The following FAM185A variants were observed in gnomAD, a reference collection of about 807,000 sequenced individuals.
FAM185A encodes family with sequence similarity 185 member A, also known as protein FAM185A.
A neutral mutation model predicts 45.7 loss-of-function variants in FAM185A; 21 were observed. The observed-to-expected ratio is 0.46, with a 90% confidence interval of 0.33 to 0.66. The LOEUF (loss-of-function observed/expected upper bound fraction) is 0.66, where lower values mean the gene tolerates loss of function less well. Among genes scored for constraint, FAM185A ranks in the 30% least tolerant of loss-of-function variants. The pLI, the probability that FAM185A is intolerant of heterozygous loss-of-function variation, is 0.03. For missense variants in FAM185A, 305 were observed against 485.4 expected, an observed-to-expected ratio of 0.63 and a Z score of 3.49; for synonymous variants, 117 against 194.0, an observed-to-expected ratio of 0.60 and a Z score of 3.30.
At chr7:102,820,741 C>T in the FAM185A span, among the ~76,000 whole-genome samples, 5 of 152,204 alleles carry the variant, frequency 3.3e-5, no homozygotes, top group Admixed American at 6.5e-5. Flanking sequence ...CTAGCTCATC[C>T]TTTTATCAGG....
In FAM185A at chr7:102,749,561, G is replaced by T. The variant is rs1584262605; in HGVS notation, c.354G>T (p.Leu118=). 1 of 1,523,804 alleles carries T rather than the reference G, an allele frequency of 6.6e-7. No homozygotes were observed. The highest frequency in any genetic ancestry group is 2.1e-5 in the Admixed American group (1 of 48,492). 94.4% of individuals were successfully genotyped at this position (1,523,804 alleles called of 1,614,324 possible). A position where few individuals can be genotyped will look rare whatever the true frequency, so the allele number is the denominator to read the frequency against. The change falls in exon 1 of 8, where the codon CTG becomes CTT. Residue 118 remains leucine (L), a synonymous_variant. Transcript: ENST00000413034. ...VEGGVRGLDG[L]QVKYDEDLEE... is the part of the protein sequence containing the mutation. ...GCGGCGTGCGGGGCCTGGACGGCCT[G>T]CAGGTGAAGTACGACGAGGATCTGG...
chr7:102,835,227 T>G, the FAM185A span, among the ~76,000 whole-genome samples: 1 of 152,130 alleles, frequency 6.6e-6, no homozygotes, highest in Non-Finnish European at 1.5e-5. Context: ...TGCATGAAAG[T>G]CTGTCTTGTC....
intron 7 of FAM185A, among the ~76,000 whole-genome samples, chr7:102,802,582 G>A (rs907564333): frequency 1.7e-4 from 26 of 152,190 alleles, no homozygotes; most frequent in Non-Finnish European, 2.2e-4. Context: ...CCCTAAATGC[G>A]TACATCAAAA....
chr7:102,837,036 A>G, the FAM185A span, among the ~76,000 whole-genome samples: 96 of 152,252 alleles, frequency 6.3e-4, no homozygotes, highest in Non-Finnish European at 1.3e-3. Flanking sequence ...GCTGCCCCAA[A>G]GGCTAAAATG....
chr7:102,816,610 C>G, the FAM185A span, among the ~76,000 whole-genome samples: 1 of 152,128 alleles, frequency 6.6e-6, no homozygotes, highest in Non-Finnish European at 1.5e-5. Context: ...TTTGCACACA[C>G]GCACCTTTAA....
chr7:102,823,868 A>G, the FAM185A span, among the ~76,000 whole-genome samples: 18 of 152,358 alleles, frequency 1.2e-4, no homozygotes, highest in Middle Eastern at 3.4e-3. Context: ...GACCAAGGTT[A>G]AACATTATAA....
At chr7:102,828,753 T>C in the FAM185A span, among the ~76,000 whole-genome samples, 1 of 152,198 alleles carries the variant, frequency 6.6e-6, no homozygotes, top group Non-Finnish European at 1.5e-5. Flanking sequence ...ACCATATTAG[T>C]ATAAGAGAAA....
chr7:102,765,454 A>G (rs1794330095), intron 4 of FAM185A, among the ~76,000 whole-genome samples: 1 of 151,968 alleles, frequency 6.6e-6, no homozygotes, highest in African/African-American at 2.4e-5. Flanking sequence ...CAAGAGCATG[A>G]AATTTATTTT....
chr7:102,828,600 A>C, the FAM185A span, among the ~76,000 whole-genome samples: 5 of 152,324 alleles, frequency 3.3e-5, no homozygotes, highest in Admixed American at 2.0e-4. Context: ...TCAATACTTC[A>C]TGCCTTTCCA....
intron 1 of FAM185A, among the ~76,000 whole-genome samples, chr7:102,751,335 A>G (rs1793349681): frequency 6.6e-6 from 1 of 152,162 alleles, no homozygotes; most frequent in South Asian, 2.1e-4. Flanking sequence ...TAAGTATGAA[A>G]GGTTAGACAT....
chr7:102,846,740 G>A, the FAM185A span, among the ~76,000 whole-genome samples: 2 of 9,438 alleles, frequency 2.1e-4, no homozygotes, highest in Non-Finnish European at 5.0e-4. Context: ...CCCCAGTGTT[G>A]TACTAAGGAA....
At chr7:102,849,538 T>C in the FAM185A span, among the ~76,000 whole-genome samples, 1 of 152,256 alleles carries the variant, frequency 6.6e-6, no homozygotes, top group Non-Finnish European at 1.5e-5. Flanking sequence ...ATCTCTCCTA[T>C]AGTTACCTTA....
intron 5 of FAM185A, among the ~76,000 whole-genome samples, chr7:102,773,392 A>T (rs1794871825): frequency 3.3e-5 from 5 of 152,116 alleles, no homozygotes; most frequent in Admixed American, 3.3e-4. Flanking sequence ...TTATTTCATA[A>T]TGTACCAGAA....
At chr7:102,765,531 G>GTGCA (rs1794338254) in intron 4 of FAM185A, among the ~76,000 whole-genome samples, 1 of 151,730 alleles carries the variant, frequency 6.6e-6, no homozygotes, top group Non-Finnish European at 1.5e-5. Flanking sequence ...CTAGTGCCGA[G>GTGCA]TACTTAGAGC....
chr7:102,776,117 A>ATATACACACACACACACACACAC (rs1795047023), intron 5 of FAM185A, among the ~76,000 whole-genome samples: 1 of 55,466 alleles, frequency 1.8e-5, no homozygotes, highest in African/African-American at 2.0e-4. Context: ...CACACACACA[A>ATATACACACACACACACACACAC]ATGTTTTCTC....
chr7:102,786,687 G>A (rs1399788659), intron 6 of FAM185A, among the ~76,000 whole-genome samples: 5 of 152,122 alleles, frequency 3.3e-5, no homozygotes, highest in Non-Finnish European at 2.9e-5. Context: ...GTGGGGTCAG[G>A]GCAGTGGGGA....
chr7:102,847,780 C>T, the FAM185A span, among the ~76,000 whole-genome samples: 13 of 152,086 alleles, frequency 8.5e-5, no homozygotes, highest in African/African-American at 3.1e-4. Context: ...CCACCCACCT[C>T]GGCCTCCCAA....
the FAM185A span, among the ~76,000 whole-genome samples, chr7:102,834,078 AAGG>A: frequency 2.7e-5 from 3 of 112,842 alleles, no homozygotes; most frequent in African/African-American, 8.5e-5. Flanking sequence ...GGAAGGAAGG[AAGG>A]AAAGAAAAGA....
chr7:102,826,791 T>G, the FAM185A span, among the ~76,000 whole-genome samples: 1 of 125,778 alleles, frequency 8.0e-6, no homozygotes, highest in South Asian at 2.4e-4. Context: ...ATCTCTAATA[T>G]ATTAATATAT....
Sources: gnomAD v4.1 joint callset for allele counts (sites outside exome capture counted in the v4.1 genomes callset) on GRCh38, gnomAD v4.1.1 for gene constraint, MANE v1.5 for transcripts, NCBI Gene and HGNC (gene_info 2026-07-23, HGNC 2026-07-21) for gene names.